The following CFAP20 variants were observed in gnomAD, a reference collection of about 807,000 sequenced individuals.
CFAP20 encodes cilia and flagella associated protein 20.
Under a neutral mutation model 25.5 loss-of-function variants are expected in CFAP20, and 14 were observed. The observed-to-expected ratio is 0.55, with a 90% CI of 0.36 to 0.86. CFAP20 has a LOEUF of 0.86. CFAP20 is among the 40% of genes least tolerant of loss of function. The pLI is 0.01. For missense variants in CFAP20, 181 were observed against 248.0 expected (o/e 0.73, Z 1.81); for synonymous variants, 75 against 91.1 (o/e 0.82, Z 1.01).
chr16:58,114,525 CAAA>C (rs57272078), intron 5 of CFAP20, among the ~76,000 whole-genome samples: 2 of 128,992 alleles, frequency 1.6e-5, no homozygotes. Context: ...GACTCCATCT[CAAA>C]AAAAAAAAAA....
At chr16:58,119,743 G>A (rs2142366688) in intron 1 of CFAP20, among the ~76,000 whole-genome samples, 3 of 152,160 alleles carry the variant, frequency 2.0e-5, no homozygotes, top group South Asian at 4.2e-4. Context: ...TGCAGAATAC[G>A]CCACTACTGC....
intron 1 of CFAP20, 67 bp downstream of exon 1, chr16:58,128,965 C>T: frequency 2.0e-6 from 3 of 1,524,992 alleles, no homozygotes; most frequent in Non-Finnish European, 2.7e-6. Context: ...CATTCCCCGT[C>T]CCCAGCCCCC....
rs973307758 is a variant in CFAP20, at chr16:58,116,792, G to A, written c.164+80C>T. 14 of 1,311,450 alleles carry A rather than the reference G, an allele frequency of 1.1e-5. No homozygotes were observed. In the Middle Eastern group the frequency reaches 5.6e-4, roughly 53 times the overall value. 81.2% of individuals were successfully genotyped at this position (1,311,450 alleles called of 1,614,324 possible). A position where few individuals can be genotyped will look rare whatever the true frequency, so the allele number is the denominator to read the frequency against. On this transcript the variant is annotated intron_variant, in intron 2 of 5. Coordinates refer to ENST00000262498, the MANE Select transcript of CFAP20 (RefSeq NM_013242.3). ...GACTCACATCCGGCACTCTGACTCC[G>A]CAGTCTGTGCTATTAACCTCTATGA...
intron 1 of CFAP20, among the ~76,000 whole-genome samples, chr16:58,124,732 G>A (rs1960587854): frequency 6.6e-6 from 1 of 152,220 alleles, no homozygotes; most frequent in Non-Finnish European, 1.5e-5. Context: ...GTGAGTGAGT[G>A]GTGAGTGAAT....
Position 58,114,864 on chromosome 16 carries a change from TTC to T in CFAP20, c.520_521del (p.Glu174ArgfsTer2). 2 of 1,614,164 alleles carry T rather than the reference TTC, an allele frequency of 1.2e-6. No individual in the cohort carries two copies. The highest frequency in any genetic ancestry group is 1.7e-6 in the Non-Finnish European group (2 of 1,180,022). ...RVYFSDRLYS[E>X]DELPAEFKLY... is the part of the protein sequence containing the mutation. ...GTTTGAACTCTGCCGGCAGCTCATC[TTC>T]TGAGTAGAGTCTGTCTGAGAAGTAA... is the stretch of plus-strand genomic sequence containing the variant. On this transcript the variant is annotated frameshift_variant, in exon 5 of 6. Coordinates refer to ENST00000262498, the MANE Select transcript of CFAP20 (RefSeq NM_013242.3). LOFTEE classifies it high-confidence loss of function.
Position 58,129,210 on chromosome 16 carries a change from GC to G in CFAP20, c.-96del, listed in dbSNP as rs1384668513. On this transcript the variant is annotated 5_prime_UTR_variant, in exon 1 of 6. Transcript: ENST00000262498. ...GCGTCGAGGGCACAGCAGCAGGCCGGCCCTGTTCCGAAGAAGGGTGGTTGAG... is the reference window on the plus strand; with the variant it reads ...GCGTCGAGGGCACAGCAGCAGGCCGGCCTGTTCCGAAGAAGGGTGGTTGAG... 1.3e-5 allele frequency: 18 copies of G among 1,354,876 alleles called. No homozygotes were observed. The highest frequency in any genetic ancestry group is 1.7e-5 in the Non-Finnish European group (17 of 978,634). 83.9% of individuals were successfully genotyped at this position (1,354,876 alleles called of 1,614,324 possible).
chr16:58,129,153 G>A lies in CFAP20; in HGVS notation c.-38C>T, dbSNP rs1173358689. 5.6e-6 allele frequency: 9 copies of A among 1,607,376 alleles called. No individual in the cohort carries two copies. The highest frequency in any genetic ancestry group is 2.7e-5 in the African/African-American group (2 of 74,878). On this transcript the variant is annotated 5_prime_UTR_variant, in exon 1 of 6. Coordinates refer to ENST00000262498, the MANE Select transcript of CFAP20 (RefSeq NM_013242.3). ...CTTCTCCTAAGCCGCCCCCGGAGCC[G>A]ACCTAGGCCCCGGAGTAGATACAGG... is the stretch of plus-strand genomic sequence containing the variant.
At position 58,125,176 on chromosome 16, in the gene CFAP20, GC is replaced by G. The variant is rs755680930; in HGVS notation, c.84+3855del. 3.2e-4 allele frequency among the ~76,000 whole-genome samples: 49 copies of G among 151,894 alleles called. 1 individual carries two copies. The highest frequency in any genetic ancestry group is 8.8e-5 in the Non-Finnish European group (6 of 68,016). Reference sequence around the variant, plus strand: ...AACTAAGACACAAACACACACATGAGCCCAGGCCCGCACAGGGTCAGGATCA... The same window carrying G: ...AACTAAGACACAAACACACACATGAGCCAGGCCCGCACAGGGTCAGGATCA... On this transcript the variant is annotated intron_variant, in intron 1 of 5. Coordinates refer to ENST00000262498, the MANE Select transcript of CFAP20 (RefSeq NM_013242.3).
chr16:58,123,429 T>C (rs1277251993), intron 1 of CFAP20, among the ~76,000 whole-genome samples: 10 of 148,598 alleles, frequency 6.7e-5, no homozygotes, highest in Admixed American at 6.7e-4. Flanking sequence ...AACCTATCTT[T>C]ACTAAAAATG....
chr16:58,129,346 C>G lies in CFAP20; in HGVS notation c.-231G>C. 1 of 512,948 alleles carries G rather than the reference C, an allele frequency of 1.9e-6. No homozygotes were observed. The highest frequency in any genetic ancestry group is 1.9e-5 in the African/African-American group (1 of 51,948). 31.8% of individuals were successfully genotyped at this position (512,948 alleles called of 1,614,324 possible). A position where few individuals can be genotyped will look rare whatever the true frequency, so the allele number is the denominator to read the frequency against. On this transcript the variant is annotated 5_prime_UTR_variant, in exon 1 of 6. Transcript: ENST00000262498. ...GAGCTCAGAACGGAAACCACAGCAA[C>G]TACCGTCCGCGCCGCGGTATTTCCC...
intron 1 of CFAP20, among the ~76,000 whole-genome samples, chr16:58,125,163 AAC>A (rs1960596014): frequency 6.6e-6 from 1 of 152,178 alleles, no homozygotes; most frequent in African/African-American, 2.4e-5. Flanking sequence ...CTAAGACACA[AAC>A]ACACACATGA....
intron 1 of CFAP20, among the ~76,000 whole-genome samples, chr16:58,128,259 G>C (rs192259670): frequency 8.5e-5 from 13 of 152,270 alleles, no homozygotes; most frequent in African/African-American, 2.6e-4. Context: ...ATATCATCTA[G>C]TGGATGCCTG....
At chr16:58,126,147 C>A (rs1305981569) in intron 1 of CFAP20, among the ~76,000 whole-genome samples, 1 of 152,180 alleles carries the variant, frequency 6.6e-6, no homozygotes, top group Non-Finnish European at 1.5e-5. Flanking sequence ...CTGACCACGC[C>A]CTAGCATTGA....
At chr16:58,123,386 G>A (rs1960563283) in intron 1 of CFAP20, among the ~76,000 whole-genome samples, 4 of 148,006 alleles carry the variant, frequency 2.7e-5, no homozygotes. Flanking sequence ...CACGAGGTCA[G>A]GAGATCGAGA....
Position 58,120,887 on chromosome 16 carries a change from C to A in CFAP20, c.85-3936G>T, listed in dbSNP as rs150948554. ...AGCTTTTCCCCAAGAGACTGTTTAA[C>A]CCCCGATGAAGAAAAACACAAGTAT... On this transcript the variant is annotated intron_variant, in intron 1 of 5. Transcript: ENST00000262498. 5.9e-4 allele frequency among the ~76,000 whole-genome samples: 90 copies of A among 152,248 alleles called. No individual in the cohort carries two copies. In the East Asian group the frequency reaches 0.014, roughly 24 times the overall value.
chr16:58,128,026 C>G (rs986283156), intron 1 of CFAP20, among the ~76,000 whole-genome samples: 2 of 152,146 alleles, frequency 1.3e-5, no homozygotes, highest in African/African-American at 4.8e-5. Context: ...TTCGGCATAC[C>G]CACACTCGCC....
At chr16:58,128,967 CCAGCCCCCGGACGAGGAGGGGGTG>C (rs1346444378) in intron 1 of CFAP20, 41 bp downstream of exon 1, 4 of 1,534,084 alleles carry the variant, frequency 2.6e-6, no homozygotes, top group Non-Finnish European at 3.6e-6. Context: ...TTCCCCGTCC[CCAGCCCCCGGACGAGGAGGGGGTG>C]CAGCCCCTCC....
intron 1 of CFAP20, among the ~76,000 whole-genome samples, chr16:58,121,002 G>A (rs1390264920): frequency 6.6e-6 from 1 of 152,202 alleles, no homozygotes; most frequent in African/African-American, 2.4e-5. Flanking sequence ...AGTTTAAAGG[G>A]CTGCAAATAC....
At chr16:58,117,079 G>GT in intron 1 of CFAP20, 128 bp from the exon 2 acceptor site, 1 of 740,466 alleles carries the variant, frequency 1.4e-6, no homozygotes, top group Non-Finnish European at 2.2e-6. Context: ...AAGCTTATAT[G>GT]TAAGTAAGCC....
Sources: gnomAD v4.1 joint callset for allele counts (sites outside exome capture counted in the v4.1 genomes callset) on GRCh38, gnomAD v4.1.1 for gene constraint, MANE v1.5 for transcripts, NCBI Gene and HGNC (gene_info 2026-07-23, HGNC 2026-07-21) for gene names.